Variants in TIAM1 observed in about 807,000 individuals in gnomAD.
TIAM1 encodes TIAM Rac1 associated GEF 1, also known as rho guanine nucleotide exchange factor TIAM1.
A neutral mutation model predicts 163.5 loss-of-function variants in TIAM1; 65 were observed. That is an observed-to-expected ratio of 0.40 (90% CI 0.33 to 0.49). The LOEUF (loss-of-function observed/expected upper bound fraction) is 0.49. Ranked by LOEUF, TIAM1 falls within the 20% of genes least tolerant of loss-of-function variation. TIAM1 has a pLI of 0.77. For synonymous variants in TIAM1, 833 were observed against 810.1 expected (o/e 1.03, Z -0.48); for missense variants, 1,789 against 2,044.7 (o/e 0.87, Z 2.41).
At chr21:31,311,063 G>A (rs1337442544) in intron 2 of TIAM1, among the ~76,000 whole-genome samples, 8 of 152,152 alleles carry the variant, frequency 5.3e-5, no homozygotes, top group Non-Finnish European at 7.3e-5. Flanking sequence ...CTCACGATAT[G>A]TAAATAATGA....
chr21:31,180,878 G>A lies in TIAM1; in HGVS notation c.2887+1543C>T, dbSNP rs560898445. The stretch of plus-strand genomic sequence containing the variant: ...AGTCAAGGAAGTCAACTGTAACTGA[G>A]AGCAATCAATTTTCTGAAGCTTCAA... On this transcript the variant is annotated intron_variant, in intron 15 of 27. Transcript: ENST00000541036. Among the ~76,000 whole-genome samples the A allele has an allele frequency of 3.2e-3, 487 of 152,368 alleles. 4 individuals are homozygous for A. Among genetic ancestry groups the A allele is most frequent in the Non-Finnish European group, 5.5e-3 (372 of 68,038 alleles).
At chr21:31,140,289 C>T (rs576424766) in intron 22 of TIAM1, among the ~76,000 whole-genome samples, 1 of 152,284 alleles carries the variant, frequency 6.6e-6, no homozygotes, top group African/African-American at 2.4e-5. Context: ...GAGTGTTTTT[C>T]CTCTAGGTTC....
At position 31,124,336 on chromosome 21, in the gene TIAM1, G is replaced by A. The variant is rs56964621; in HGVS notation, c.4306+186C>T. On this transcript the variant is annotated intron_variant, in intron 27 of 27. Coordinates refer to ENST00000541036, the MANE Select transcript of TIAM1 (RefSeq NM_001353694.2). The stretch of plus-strand genomic sequence containing the variant: ...GACAAGAGGAATGTAGATACAGGGC[G>A]GATCCCCAGGAGCCACTGGGAAGGA... 2,819 of 666,050 alleles carry A rather than the reference G, an allele frequency of 4.2e-3. 65 individuals carry two copies. In the African/African-American group the frequency reaches 0.046, roughly 11 times the overall value. The allele number at this position is 666,050 out of a possible 1,614,324, so 41.3% of individuals were successfully genotyped here.
rs895983660 is a variant in TIAM1 at position 31,380,283 on chromosome 21, G to A, written c.-368-40861C>T. On this transcript the variant is annotated intron_variant, in intron 2 of 28. Transcript: ENST00000286827. The stretch of plus-strand genomic sequence containing the variant: ...AAACAATAAATGTTAAGTGGCTCAC[G>A]CTGTAATCCCAGCACTTTGGGAGGC... 5.3e-5 allele frequency among the ~76,000 whole-genome samples: 8 copies of A among 151,722 alleles called. No homozygotes were observed. The South Asian group carries it at 6.2e-4, about 12-fold the overall frequency.
Position 31,245,607 on chromosome 21 carries a change from T to A in TIAM1, c.1465A>T (p.Ser489Cys). 6.2e-7 allele frequency: 1 copy of A among 1,606,062 alleles called. No homozygotes were observed. Residue 489 changes from serine to cysteine, a missense_variant, in exon 6 of 28, where the codon AGC (serine) becomes TGC (cysteine). By Grantham distance (112) the Ser-to-Cys change is moderately radical. This residue lies in a region of TIAM1 where 456 missense variants were observed against 586.6 expected (regional missense o/e 0.78). Transcript: ENST00000541036. ...ACCCAGACGGCGTGTTTGGGGATGC[T>A]GTTGTGGTCTATCCCAGACCTGCCG... Reference protein sequence around the residue: ...SDGRSGIDHNSIPKHAVWVEN... With the variant: ...SDGRSGIDHNCIPKHAVWVEN...
intron 2 of TIAM1, among the ~76,000 whole-genome samples, chr21:31,443,302 A>G (rs1373905867): frequency 6.6e-6 from 1 of 152,174 alleles, no homozygotes; most frequent in Non-Finnish European, 1.5e-5. Flanking sequence ...AGCTCCCCAG[A>G]TATTATAAAA....
At chr21:31,247,149 G>A (rs77199311) in intron 5 of TIAM1, among the ~76,000 whole-genome samples, 2,791 of 151,694 alleles carry the variant, frequency 0.018, 83 homozygotes, top group African/African-American at 0.063. Context: ...GCGAGGCCTC[G>A]TCTCTACTAA....
chr21:31,550,936 C>T (rs151199133), intron 1 of TIAM1, among the ~76,000 whole-genome samples: 5 of 152,274 alleles, frequency 3.3e-5, no homozygotes, highest in South Asian at 2.1e-4. Context: ...TAAGGCCAGG[C>T]GCAGTGGCTC....
intron 15 of TIAM1, among the ~76,000 whole-genome samples, chr21:31,174,097 A>G (rs1212739488): frequency 2.0e-5 from 3 of 152,148 alleles, no homozygotes; most frequent in African/African-American, 7.2e-5. Flanking sequence ...CCTGGACCAT[A>G]TTTGTTTGTG....
At chr21:31,371,305 A>AGAATG (rs2076592874) in intron 2 of TIAM1, among the ~76,000 whole-genome samples, 1 of 152,144 alleles carries the variant, frequency 6.6e-6, no homozygotes, top group Non-Finnish European at 1.5e-5. Context: ...GTCTTGCTCC[A>AGAATG]CAGACTCCCA....
chr21:31,311,163 G>GTTTGT (rs558151894), intron 2 of TIAM1, among the ~76,000 whole-genome samples: 1 of 110,406 alleles, frequency 9.1e-6, no homozygotes, highest in South Asian at 3.5e-4. Flanking sequence ...TTTTTTGTTT[G>GTTTGT]TTTGTTTTGT....
chr21:31,338,298 T>A (rs899236212), intron 2 of TIAM1, among the ~76,000 whole-genome samples: 2 of 152,184 alleles, frequency 1.3e-5, no homozygotes, highest in East Asian at 1.9e-4. Flanking sequence ...AGGAAGCACC[T>A]GTGATTCTTG....
At chr21:31,369,225 C>CCAAAA (rs1555958150) in intron 2 of TIAM1, among the ~76,000 whole-genome samples, 4 of 121,110 alleles carry the variant, frequency 3.3e-5, no homozygotes, top group Non-Finnish European at 4.9e-5. Context: ...GAATCCATCT[C>CCAAAA]AAAAAAAAAG....
chr21:31,274,688 G>A (rs537160584), intron 3 of TIAM1, among the ~76,000 whole-genome samples: 1 of 152,156 alleles, frequency 6.6e-6, no homozygotes, highest in African/African-American at 2.4e-5. Context: ...AATCCAAAAG[G>A]TGATTCTACC....
intron 2 of TIAM1, among the ~76,000 whole-genome samples, chr21:31,422,817 T>C (rs889398478): frequency 1.3e-5 from 2 of 152,206 alleles, no homozygotes; most frequent in Non-Finnish European, 2.9e-5. Context: ...TAAAGAAAGT[T>C]TGTTCACCTT....
intron 12 of TIAM1, among the ~76,000 whole-genome samples, chr21:31,201,749 T>C (rs886481318): frequency 2.0e-5 from 3 of 152,110 alleles, no homozygotes; most frequent in Non-Finnish European, 2.9e-5. Flanking sequence ...TATTCACACA[T>C]CCATGGCAAG....
intron 1 of TIAM1, among the ~76,000 whole-genome samples, chr21:31,533,192 G>C (rs959040282): frequency 6.6e-6 from 1 of 151,988 alleles, no homozygotes; most frequent in Non-Finnish European, 1.5e-5. Context: ...ATGGTGGCAC[G>C]CACCTGTAAT....
At chr21:31,168,871 A>T (rs1356435655) in intron 15 of TIAM1, among the ~76,000 whole-genome samples, 2 of 152,232 alleles carry the variant, frequency 1.3e-5, no homozygotes, top group Non-Finnish European at 2.9e-5. Context: ...ATAAAACACA[A>T]GAGGCAACAC....
intron 1 of TIAM1, among the ~76,000 whole-genome samples, chr21:31,490,581 C>A (rs993043597): frequency 6.6e-6 from 1 of 152,284 alleles, no homozygotes; most frequent in South Asian, 2.1e-4. Context: ...CAGCCCCAGC[C>A]TGAAATAAGC....
Sources: gnomAD v4.1 joint callset for allele counts (sites outside exome capture counted in the v4.1 genomes callset) on GRCh38, gnomAD v4.1.1 for gene constraint, gnomAD v4.1.1 regional missense constraint, MANE v1.5 for transcripts, NCBI Gene and HGNC (gene_info 2026-07-23, HGNC 2026-07-21) for gene names.